PATJ: variants seen among roughly 807,000 people sequenced by gnomAD.
The protein encoded by PATJ is PATJ crumbs cell polarity complex component, also known as inaD-like protein.
A neutral mutation model predicts 224.9 loss-of-function variants in PATJ; 190 were observed. The observed-to-expected ratio is 0.84, with a 90% confidence interval of 0.75 to 0.95. PATJ has a LOEUF of 0.95. PATJ is among the 40% of genes least tolerant of loss of function. PATJ has a pLI of 0.00. For missense variants in PATJ, 2,121 were observed against 2,270.3 expected (o/e 0.93, Z 1.34); for synonymous variants, 769 against 820.3 (o/e 0.94, Z 1.07).
At chr1:62,009,592 C>T (rs1380800005) in intron 28 of PATJ, among the ~76,000 whole-genome samples, 1 of 151,706 alleles carries the variant, frequency 6.6e-6, no homozygotes, top group Non-Finnish European at 1.5e-5. Flanking sequence ...CAATGACATT[C>T]GCCACATCGA....
intron 28 of PATJ, among the ~76,000 whole-genome samples, chr1:61,992,807 G>A (rs1645145121): frequency 1.3e-5 from 2 of 152,190 alleles, no homozygotes; most frequent in Non-Finnish European, 2.9e-5. Flanking sequence ...GCAAGCACTG[G>A]ACTTGGAAGA....
intron 28 of PATJ, among the ~76,000 whole-genome samples, chr1:61,997,629 G>C (rs1169906426): frequency 1.3e-5 from 2 of 152,048 alleles, no homozygotes; most frequent in African/African-American, 4.8e-5. Flanking sequence ...AATGATTCTA[G>C]AAGGTAATAA....
intron 28 of PATJ, among the ~76,000 whole-genome samples, chr1:61,999,863 G>A (rs77328996): frequency 5.6e-4 from 85 of 152,118 alleles, no homozygotes; most frequent in African/African-American, 1.9e-3. Context: ...GTGAGGCAGA[G>A]TTGTGGTTTT....
At chr1:61,841,855 C>T (rs1024085569) in intron 17 of PATJ, among the ~76,000 whole-genome samples, 2 of 152,164 alleles carry the variant, frequency 1.3e-5, no homozygotes, top group African/African-American at 4.8e-5. Context: ...CATCAAAGTA[C>T]TGTAAGTTCC....
intron 18 of PATJ, among the ~76,000 whole-genome samples, chr1:61,857,234 G>T (rs191327226): frequency 4.6e-5 from 7 of 152,234 alleles, no homozygotes; most frequent in Admixed American, 3.9e-4. Flanking sequence ...ATGATTTTCA[G>T]CCAGTTTTAT....
chr1:62,047,636 A>T (rs1374152206), intron 30 of PATJ, among the ~76,000 whole-genome samples: 1 of 152,214 alleles, frequency 6.6e-6, no homozygotes, highest in African/African-American at 2.4e-5. Flanking sequence ...AGAACTAGAC[A>T]CACTAAGGAA....
At chr1:62,051,489 G>C (rs948107058) in intron 31 of PATJ, among the ~76,000 whole-genome samples, 4 of 152,034 alleles carry the variant, frequency 2.6e-5, no homozygotes, top group Admixed American at 2.0e-4. Context: ...ACCATGCCCA[G>C]CTAATTTTTA....
At chr1:61,970,923 G>C (rs1237231856) in intron 27 of PATJ, among the ~76,000 whole-genome samples, 1 of 152,184 alleles carries the variant, frequency 6.6e-6, no homozygotes, top group African/African-American at 2.4e-5. Flanking sequence ...AATACTCATT[G>C]AAGTAGAAAT....
intron 28 of PATJ, among the ~76,000 whole-genome samples, chr1:61,996,480 G>A (rs1645361579): frequency 6.6e-6 from 1 of 152,110 alleles, no homozygotes; most frequent in East Asian, 1.9e-4. Context: ...TGTATGTATG[G>A]ATAAGATTAC....
chr1:62,027,331 A>G (rs1432986616), intron 29 of PATJ, among the ~76,000 whole-genome samples: 1 of 152,154 alleles, frequency 6.6e-6, no homozygotes, highest in African/African-American at 2.4e-5. Flanking sequence ...GTTCCATTTT[A>G]TGTATGTGCC....
At chr1:62,131,910 T>C (rs2481667) in intron 41 of PATJ, among the ~76,000 whole-genome samples, 110,954 of 151,476 alleles carry the variant, frequency 0.73, 40,902 homozygotes, top group African/African-American at 0.8. Flanking sequence ...CTCTGTTGTC[T>C]AGGCTGGAGT....
chr1:61,947,162 C>G (rs1678863052), intron 27 of PATJ, among the ~76,000 whole-genome samples: 1 of 152,142 alleles, frequency 6.6e-6, no homozygotes, highest in Non-Finnish European at 1.5e-5. Flanking sequence ...TGGCACAAGA[C>G]AGGGATGCCC....
intron 7 of PATJ, among the ~76,000 whole-genome samples, chr1:61,785,382 C>T (rs1648291227): frequency 6.6e-6 from 1 of 152,174 alleles, no homozygotes; most frequent in African/African-American, 2.4e-5. Flanking sequence ...TAATGTTACT[C>T]TGGAGATACT....
rs1362180784 is a variant in PATJ at position 62,048,122 on chromosome 1, A to G, written c.4033-2844A>G. Among the ~76,000 whole-genome samples, 4 of 152,352 alleles carry G rather than the reference A, an allele frequency of 2.6e-5. No homozygotes were observed. The South Asian group carries it at 8.3e-4, about 32-fold the overall frequency. ...TTAAAATGTATCATTATCCTCATTT[A>G]TGAATTGGGATCATGGTGGTACATT... is the stretch of plus-strand genomic sequence containing the variant. On this transcript the variant is annotated intron_variant, in intron 30 of 43. Coordinates refer to ENST00000642238, the MANE Select transcript of PATJ (RefSeq NM_001350145.3).
chr1:62,099,218 C>G (rs1341476043), intron 33 of PATJ, among the ~76,000 whole-genome samples: 1 of 152,028 alleles, frequency 6.6e-6, no homozygotes, highest in African/African-American at 2.4e-5. Context: ...TGAACAGGGA[C>G]AGCCATAGAG....
chr1:62,023,998 C>T (rs1417056732), intron 29 of PATJ, among the ~76,000 whole-genome samples: 1 of 152,214 alleles, frequency 6.6e-6, no homozygotes, highest in East Asian at 1.9e-4. Context: ...TGGTGAATCA[C>T]ATTTACTGAT....
intron 7 of PATJ, among the ~76,000 whole-genome samples, chr1:61,777,058 T>G (rs1239766009): frequency 6.6e-6 from 1 of 152,196 alleles, no homozygotes; most frequent in African/African-American, 2.4e-5. Flanking sequence ...AACACATTTT[T>G]ATTTTTATAA....
intron 1 of PATJ, among the ~76,000 whole-genome samples, chr1:61,751,579 A>AC (rs988782613): frequency 1.3e-5 from 2 of 152,106 alleles, no homozygotes; most frequent in Admixed American, 6.5e-5. Context: ...TAATCCCAGC[A>AC]CTTTGGGAGG....
intron 23 of PATJ, among the ~76,000 whole-genome samples, chr1:61,900,376 C>T (rs954359062): frequency 6.6e-6 from 1 of 152,002 alleles, no homozygotes; most frequent in African/African-American, 2.4e-5. Context: ...GTTTTCAGTT[C>T]ATACTTTCTT....
Sources: allele counts gnomAD v4.1 joint callset (sites outside exome capture counted in the v4.1 genomes callset), GRCh38; gene constraint gnomAD v4.1.1; transcripts MANE v1.5; gene names NCBI Gene and HGNC (gene_info 2026-07-23, HGNC 2026-07-21).